Variants in DMD observed in about 807,000 individuals in gnomAD.
DMD encodes mutant dystrophin.
DMD carries 63 observed loss-of-function variants against 330.1 expected under a neutral mutation model. The ratio of observed to expected loss-of-function variants is 0.19; its 90% CI spans 0.16 to 0.24. The LOEUF (loss-of-function observed/expected upper bound fraction) is 0.24. Among genes scored for constraint, DMD ranks in the 10% least tolerant of loss-of-function variants. DMD has a pLI of 1.00. For synonymous variants in DMD, 1,223 were observed against 959.8 expected (o/e 1.27, Z -5.07); for missense variants, 3,344 against 2,684.1 (o/e 1.25, Z -5.43).
chrX:32,292,605 T>C (rs942000810), intron 42 of DMD, among the ~76,000 whole-genome samples: 3 of 111,466 alleles, frequency 2.7e-5, no homozygotes, highest in South Asian at 3.8e-4. Context: ...TCAGTCAAAA[T>C]TGGGAAGCAT....
In DMD at chrX:32,648,764, A is replaced by G. The variant is rs989558520; in HGVS notation, c.961-3612T>C. On this transcript the variant is annotated intron_variant, in intron 9 of 78. Transcript: ENST00000357033. ...TTAATCTGAGAATTTGGAAATAAAG[A>G]TATAAAAAGTGGCTTATGCTTTGTT... is the stretch of plus-strand genomic sequence containing the variant. Among the ~76,000 whole-genome samples the G allele has an allele frequency of 2.7e-5, 3 of 112,258 alleles. No individual in the cohort carries two copies. In the Admixed American group the frequency reaches 2.8e-4, roughly 11 times the overall value.
At chrX:31,266,756 C>G in intron 62 of DMD, 3 of 1,135,042 alleles carry the variant, frequency 2.6e-6, no homozygotes, top group Non-Finnish European at 3.6e-6. Context: ...CTGCTCGCGC[C>G]ACAAGTGCAC....
At chrX:33,280,807 C>A (rs2053318132) in intron 1 of DMD, among the ~76,000 whole-genome samples, 1 of 111,938 alleles carries the variant, frequency 8.9e-6, no homozygotes, top group African/African-American at 3.2e-5. Flanking sequence ...TGTACACCAC[C>A]AGTATCAGAC....
intron 34 of DMD, among the ~76,000 whole-genome samples, chrX:32,366,825 CA>C (rs1487588719): frequency 8.9e-6 from 1 of 111,980 alleles, no homozygotes; most frequent in Non-Finnish European, 1.9e-5. Context: ...TTATGCAAGA[CA>C]AAAACACTGT....
intron 18 of DMD, among the ~76,000 whole-genome samples, chrX:32,514,466 G>C (rs1232196917): frequency 3.6e-5 from 4 of 112,186 alleles, no homozygotes; most frequent in African/African-American, 6.5e-5. Context: ...TTAGTGCCGG[G>C]CGCGGTGGCT....
At chrX:31,962,676 A>C (rs768027474) in intron 45 of DMD, among the ~76,000 whole-genome samples, 5 of 112,134 alleles carry the variant, frequency 4.5e-5, no homozygotes, top group Non-Finnish European at 7.5e-5. Flanking sequence ...AGGTCTCTCA[A>C]TTTTTAAAAG....
chrX:33,217,620 C>T (rs1337780433), intron 1 of DMD, among the ~76,000 whole-genome samples: 1 of 109,671 alleles, frequency 9.1e-6, no homozygotes, highest in Non-Finnish European at 1.9e-5. Flanking sequence ...AATCATTTTA[C>T]TGTGATAAGA....
chrX:32,014,944 C>T (rs2095748347), intron 44 of DMD, among the ~76,000 whole-genome samples: 1 of 112,311 alleles, frequency 8.9e-6, no homozygotes, highest in East Asian at 2.8e-4. Flanking sequence ...ATATCTGAGG[C>T]ACATTCTCCT....
intron 44 of DMD, among the ~76,000 whole-genome samples, chrX:32,012,356 A>G (rs1247810309): frequency 8.9e-6 from 1 of 112,167 alleles, no homozygotes; most frequent in African/African-American, 3.2e-5. Flanking sequence ...TCAAGGCAAC[A>G]GTAGAAATCT....
intron 11 of DMD, among the ~76,000 whole-genome samples, chrX:32,628,442 T>A (rs1020481021): frequency 1.9e-5 from 2 of 107,137 alleles, no homozygotes; most frequent in Non-Finnish European, 3.8e-5. Flanking sequence ...ACTTGTCATT[T>A]TTGTCAACCC....
chrX:32,093,331 T>A (rs1318589896), intron 44 of DMD, among the ~76,000 whole-genome samples: 1 of 111,994 alleles, frequency 8.9e-6, no homozygotes, highest in Non-Finnish European at 1.9e-5. Flanking sequence ...AACAAAGCTA[T>A]CTCTTCAAAG....
At chrX:32,226,134 A>T (rs974651524) in intron 43 of DMD, among the ~76,000 whole-genome samples, 1 of 111,447 alleles carries the variant, frequency 9.0e-6, no homozygotes, top group Non-Finnish European at 1.9e-5. Flanking sequence ...ACTTTTCCTC[A>T]GCATATTCCA....
At chrX:31,504,787 G>T (rs2070764300) in intron 56 of DMD, among the ~76,000 whole-genome samples, 2 of 112,097 alleles carry the variant, frequency 1.8e-5, no homozygotes, top group African/African-American at 6.5e-5. Context: ...TTGATGTGGA[G>T]AATTACTTCT....
intron 6 of DMD, 59 bp from the exon 7 acceptor site, chrX:32,809,670 T>C (rs2077201122): frequency 6.1e-5 from 61 of 1,002,410 alleles, no homozygotes; most frequent in Non-Finnish European, 8.5e-5. Flanking sequence ...TCTAGAATGT[T>C]CCATGAGATT....
At chrX:31,293,202 T>TGTGTGTG (rs1569519857) in intron 62 of DMD, among the ~76,000 whole-genome samples, 14 of 48,546 alleles carry the variant, frequency 2.9e-4, no homozygotes, top group Non-Finnish European at 4.3e-4. Flanking sequence ...GTAGTCTGGT[T>TGTGTGTG]TAGTGTGTGT....
intron 2 of DMD, among the ~76,000 whole-genome samples, chrX:32,982,494 T>C (rs1286474702): frequency 8.9e-6 from 1 of 111,901 alleles, no homozygotes; most frequent in Admixed American, 9.6e-5. Flanking sequence ...AAAAAGTCTA[T>C]TTAGGAACTT....
At chrX:32,067,698 G>A (rs1235463573) in intron 44 of DMD, among the ~76,000 whole-genome samples, 1 of 111,334 alleles carries the variant, frequency 9.0e-6, no homozygotes, top group Admixed American at 9.6e-5. Context: ...TCTTCTTTTC[G>A]TGGCTGTATA....
intron 7 of DMD, among the ~76,000 whole-genome samples, chrX:32,771,503 T>TACACACACACACACACACACACACACAC (rs754545800): frequency 5.8e-4 from 61 of 105,800 alleles, no homozygotes; most frequent in African/African-American, 2.1e-3. Flanking sequence ...ATTTTGTTAA[T>TACACACACACACACACACACACACACAC]ACACACACAC....
At chrX:32,573,720 A>G in intron 14 of DMD, 25 bp downstream of exon 14, 1 of 1,199,319 alleles carries the variant, frequency 8.3e-7, no homozygotes. Flanking sequence ...TGTCTTTTAC[A>G]GCTAGTTTCT....
Sources: allele counts gnomAD v4.1 joint callset (sites outside exome capture counted in the v4.1 genomes callset), GRCh38; gene constraint gnomAD v4.1.1; transcripts MANE v1.5; gene names NCBI Gene and HGNC (gene_info 2026-07-23, HGNC 2026-07-21).